The following GRK5 variants were observed in gnomAD, a reference collection of about 807,000 sequenced individuals.
GRK5 encodes the protein G protein-coupled receptor kinase 5.
Under a neutral mutation model 78.4 loss-of-function variants are expected in GRK5, and 40 were observed. The observed-to-expected ratio is 0.51, with a 90% CI of 0.40 to 0.66. The LOEUF (loss-of-function observed/expected upper bound fraction) is 0.66. GRK5 is among the 30% of genes least tolerant of loss of function. GRK5 has a pLI of 0.00. For synonymous variants in GRK5, 289 were observed against 296.8 expected (o/e 0.97, Z 0.27); for missense variants, 598 against 759.9 (o/e 0.79, Z 2.50).
At position 119,266,621 on chromosome 10, in the gene GRK5, C is replaced by T. The variant is rs529425727; in HGVS notation, c.52+58652C>T. Among the ~76,000 whole-genome samples the T allele has an allele frequency of 1.7e-4, 26 of 152,196 alleles. No homozygotes were observed. The East Asian group carries it at 5.0e-3, about 29-fold the overall frequency. On this transcript the variant is annotated intron_variant, in intron 1 of 15. Coordinates refer to ENST00000392870, the MANE Select transcript of GRK5 (RefSeq NM_005308.3). Reference sequence around the variant, plus strand: ...CGGTGGGGCTGGCCAAGGGAACCCGCTGTCTAATCCTGTGGCTGGAGGAGG... The same window carrying T: ...CGGTGGGGCTGGCCAAGGGAACCCGTTGTCTAATCCTGTGGCTGGAGGAGG...
At chr10:119,360,198 C>G (rs574915912) in intron 2 of GRK5, among the ~76,000 whole-genome samples, 5 of 152,272 alleles carry the variant, frequency 3.3e-5, no homozygotes, top group Non-Finnish European at 5.9e-5. Context: ...CTGAAGGACT[C>G]TGCTCTTTGG....
intron 13 of GRK5, among the ~76,000 whole-genome samples, chr10:119,449,327 C>G (rs1402920013): frequency 6.6e-6 from 1 of 152,216 alleles, no homozygotes; most frequent in Non-Finnish European, 1.5e-5. Flanking sequence ...CCTTGGAACT[C>G]TGGCACCCCC....
chr10:119,437,820 G>A (rs559399730), intron 9 of GRK5, among the ~76,000 whole-genome samples: 33 of 152,302 alleles, frequency 2.2e-4, no homozygotes, highest in African/African-American at 3.6e-4. Flanking sequence ...TTCTCTGGCC[G>A]GTTGTGGTGG....
intron 6 of GRK5, among the ~76,000 whole-genome samples, chr10:119,427,709 CCAT>C (rs916715858): frequency 7.4e-6 from 1 of 135,088 alleles, no homozygotes; most frequent in Non-Finnish European, 1.5e-5. Flanking sequence ...AGCATCACCA[CCAT>C]CATTAGTATC....
chr10:119,433,146 A>G (rs1369112805), intron 8 of GRK5, among the ~76,000 whole-genome samples: 1 of 152,200 alleles, frequency 6.6e-6, no homozygotes, highest in African/African-American at 2.4e-5. Flanking sequence ...GCATCTTGGG[A>G]TCTCATCCCA....
chr10:119,394,260 C>CTATGTGTGGGTGTGTGTGTG (rs1564916856), intron 3 of GRK5, among the ~76,000 whole-genome samples: 1 of 4,988 alleles, frequency 2.0e-4, no homozygotes, highest in African/African-American at 1.1e-3. Context: ...GTGGATGTAT[C>CTATGTGTGGGTGTGTGTGTG]TGTGTGTGTG....
intron 1 of GRK5, among the ~76,000 whole-genome samples, chr10:119,320,294 A>T (rs1037868451): frequency 1.3e-5 from 2 of 152,254 alleles, no homozygotes; most frequent in African/African-American, 2.4e-5. Context: ...GGTCCCTGAC[A>T]CCACGGGTCC....
chr10:119,359,499 A>G (rs912077380), intron 2 of GRK5, among the ~76,000 whole-genome samples: 1 of 152,196 alleles, frequency 6.6e-6, no homozygotes, highest in African/African-American at 2.4e-5. Context: ...GGGCAGGGCC[A>G]GGCAACAAAG....
intron 5 of GRK5, 44 bp from the exon 6 acceptor site, chr10:119,424,949 A>T: frequency 1.5e-6 from 2 of 1,368,744 alleles, no homozygotes; most frequent in Non-Finnish European, 1.0e-6. Context: ...CTGCTTGAAG[A>T]TCGGGATTAT....
intron 12 of GRK5, among the ~76,000 whole-genome samples, chr10:119,444,134 G>A (rs1853096658): frequency 6.6e-6 from 1 of 152,088 alleles, no homozygotes; most frequent in African/African-American, 2.4e-5. Flanking sequence ...TGGGCCTCCT[G>A]CTCCCTCCAC....
chr10:119,261,011 CG>C (rs1849377742), intron 1 of GRK5, among the ~76,000 whole-genome samples: 1 of 143,324 alleles, frequency 7.0e-6, no homozygotes, highest in Non-Finnish European at 1.5e-5. Context: ...ACCTCCCGGA[CG>C]GGGCGGCTGG....
At chr10:119,438,724 A>C (rs1006762928) in intron 9 of GRK5, among the ~76,000 whole-genome samples, 1 of 152,230 alleles carries the variant, frequency 6.6e-6, no homozygotes, top group Non-Finnish European at 1.5e-5. Flanking sequence ...GCCAGTGCCC[A>C]CTAGTGAGCT....
At chr10:119,292,245 C>T (rs1382404431) in intron 1 of GRK5, among the ~76,000 whole-genome samples, 1 of 146,758 alleles carries the variant, frequency 6.8e-6, no homozygotes, top group African/African-American at 2.5e-5. Context: ...CCTATTCCTC[C>T]TTCCCCTCCT....
chr10:119,396,852 C>A, intron 4 of GRK5, 80 bp downstream of exon 4: 2 of 1,053,026 alleles, frequency 1.9e-6, no homozygotes, highest in Non-Finnish European at 3.0e-6. Context: ...CTGTGCCAGG[C>A]CACATGGGGA....
intron 2 of GRK5, among the ~76,000 whole-genome samples, chr10:119,348,809 C>T (rs1428809182): frequency 6.6e-6 from 1 of 152,164 alleles, no homozygotes; most frequent in Non-Finnish European, 1.5e-5. Context: ...CACCAGGAGG[C>T]CAGCGCTGTT....
chr10:119,415,272 A>AT (rs1564925960), intron 4 of GRK5, among the ~76,000 whole-genome samples: 1 of 152,032 alleles, frequency 6.6e-6, no homozygotes, highest in Non-Finnish European at 1.5e-5. Context: ...TGGACATGCC[A>AT]TGAAGGGGTG....
intron 2 of GRK5, among the ~76,000 whole-genome samples, chr10:119,332,805 C>T (rs61627403): frequency 0.013 from 1,943 of 152,304 alleles, 41 homozygotes; most frequent in African/African-American, 0.045. Context: ...CCTGTTCTCT[C>T]TACCCGGAAT....
chr10:119,419,654 A>T (rs1301646249), intron 4 of GRK5, among the ~76,000 whole-genome samples: 1 of 152,220 alleles, frequency 6.6e-6, no homozygotes, highest in African/African-American at 2.4e-5. Flanking sequence ...AAAGTATGAG[A>T]GTGGTGTGAC....
intron 3 of GRK5, among the ~76,000 whole-genome samples, chr10:119,382,115 C>T (rs948270820): frequency 3.3e-5 from 5 of 152,198 alleles, no homozygotes; most frequent in African/African-American, 7.2e-5. Context: ...TTCCCCTCCT[C>T]GTCCTTCCCC....
Sources: gnomAD v4.1 joint callset for allele counts (sites outside exome capture counted in the v4.1 genomes callset) on GRCh38, gnomAD v4.1.1 for gene constraint, MANE v1.5 for transcripts, NCBI Gene and HGNC (gene_info 2026-07-23, HGNC 2026-07-21) for gene names.